PTPRD: variants seen among roughly 807,000 people sequenced by gnomAD.
PTPRD encodes the protein protein tyrosine phosphatase receptor type D, also known as receptor-type tyrosine-protein phosphatase delta.
In PTPRD, 34 loss-of-function variants were observed where a neutral mutation model predicts 214.5. The ratio of observed to expected loss-of-function variants is 0.16; its 90% CI spans 0.12 to 0.21. The LOEUF (loss-of-function observed/expected upper bound fraction) is 0.21, where lower values mean the gene tolerates loss of function less well. PTPRD is among the 10% of genes least tolerant of loss of function. The pLI is 1.00. For synonymous variants in PTPRD, 1,128 were observed against 845.7 expected, an observed-to-expected ratio of 1.33 and a Z score of -5.79; for missense variants, 2,545 against 2,398.7, an observed-to-expected ratio of 1.06 and a Z score of -1.27.
intron 11 of PTPRD, among the ~76,000 whole-genome samples, chr9:8,892,621 GTA>G (rs545404330): frequency 0.012 from 1,731 of 148,098 alleles, 44 homozygotes; most frequent in African/African-American, 0.04. Context: ...ATATATATGT[GTA>G]TATATATGTG....
At chr9:9,326,675 A>C (rs936330936) in intron 9 of PTPRD, among the ~76,000 whole-genome samples, 8 of 152,112 alleles carry the variant, frequency 5.3e-5, no homozygotes, top group Non-Finnish European at 1.0e-4. Context: ...AAGTAAGATA[A>C]AGACAAATGA....
chr9:8,724,704 T>A (rs530255142), intron 12 of PTPRD, among the ~76,000 whole-genome samples: 1 of 151,434 alleles, frequency 6.6e-6, no homozygotes, highest in African/African-American at 2.4e-5. Flanking sequence ...GAGGCCAAGG[T>A]GGGTGGAGAG....
At chr9:9,561,932 T>C (rs1235430238) in intron 8 of PTPRD, among the ~76,000 whole-genome samples, 3 of 152,194 alleles carry the variant, frequency 2.0e-5, no homozygotes, top group African/African-American at 4.8e-5. Flanking sequence ...TCTCTCATTT[T>C]ATGGCTTTAA....
chr9:8,555,952 G>A (rs1229672448), intron 14 of PTPRD, among the ~76,000 whole-genome samples: 2 of 152,188 alleles, frequency 1.3e-5, no homozygotes, highest in Non-Finnish European at 2.9e-5. Flanking sequence ...ATGCAGATCT[G>A]TGAAGACATC....
At chr9:10,095,571 G>A (rs1318473944) in intron 3 of PTPRD, among the ~76,000 whole-genome samples, 6 of 151,432 alleles carry the variant, frequency 4.0e-5, no homozygotes, top group Non-Finnish European at 8.9e-5. Context: ...ACCAGACAGC[G>A]TGAATAACAA....
chr9:8,892,972 G>T (rs1156315757), intron 11 of PTPRD, among the ~76,000 whole-genome samples: 3 of 152,066 alleles, frequency 2.0e-5, no homozygotes, highest in Non-Finnish European at 4.4e-5. Flanking sequence ...TGATAATCTT[G>T]ACGTCCATGT....
chr9:10,163,017 A>G (rs1592837641), intron 3 of PTPRD, among the ~76,000 whole-genome samples: 1 of 151,012 alleles, frequency 6.6e-6, no homozygotes, highest in East Asian at 1.9e-4. Flanking sequence ...CTAAATGTCT[A>G]TCTCTCTATA....
intron 2 of PTPRD, among the ~76,000 whole-genome samples, chr9:10,470,844 T>A (rs933176507): frequency 2.0e-5 from 3 of 151,744 alleles, no homozygotes; most frequent in African/African-American, 7.3e-5. Context: ...AGATATGAAA[T>A]AAAATTATAA....
chr9:9,350,177 A>C (rs2050561696), intron 9 of PTPRD, among the ~76,000 whole-genome samples: 1 of 152,072 alleles, frequency 6.6e-6, no homozygotes, highest in Non-Finnish European at 1.5e-5. Context: ...GTATCATAAA[A>C]AAATGTTCCT....
At chr9:9,462,706 C>G (rs2093769857) in intron 8 of PTPRD, among the ~76,000 whole-genome samples, 1 of 152,050 alleles carries the variant, frequency 6.6e-6, no homozygotes, top group Non-Finnish European at 1.5e-5. Flanking sequence ...CTGTACTTTT[C>G]CAGTTTGTGA....
intron 3 of PTPRD, among the ~76,000 whole-genome samples, chr9:10,109,321 G>A (rs997600660): frequency 1.3e-5 from 2 of 152,106 alleles, no homozygotes; most frequent in African/African-American, 2.4e-5. Context: ...GTAAAGAAAC[G>A]GTTGATGTTA....
chr9:10,056,733 T>C (rs1354953125), intron 3 of PTPRD, among the ~76,000 whole-genome samples: 3 of 152,058 alleles, frequency 2.0e-5, no homozygotes, highest in South Asian at 2.1e-4. Context: ...CCGGGAGTCA[T>C]TGAAAGGAAT....
intron 8 of PTPRD, among the ~76,000 whole-genome samples, chr9:9,572,579 A>G (rs12551801): frequency 0.057 from 8,185 of 144,082 alleles, 603 homozygotes; most frequent in African/African-American, 0.16. Flanking sequence ...ATATATATAT[A>G]TGTGTATATA....
chr9:8,555,136 G>T (rs1195209213), intron 14 of PTPRD, among the ~76,000 whole-genome samples: 1 of 152,118 alleles, frequency 6.6e-6, no homozygotes, highest in Admixed American at 6.5e-5. Flanking sequence ...ACTCAAAGGG[G>T]CCAGGTGTGG....
intron 12 of PTPRD, among the ~76,000 whole-genome samples, chr9:8,644,793 G>A (rs777982345): frequency 5.9e-5 from 9 of 152,138 alleles, no homozygotes; most frequent in African/African-American, 1.2e-4. Context: ...CAAACCCCAC[G>A]TTCACTCACA....
At chr9:9,316,931 T>C (rs902149808) in intron 9 of PTPRD, among the ~76,000 whole-genome samples, 2 of 152,116 alleles carry the variant, frequency 1.3e-5, no homozygotes, top group Non-Finnish European at 2.9e-5. Flanking sequence ...GTCTCTAAAG[T>C]TACAAAGTCA....
chr9:8,517,755 A>T, intron 21 of PTPRD, 93 bp downstream of exon 21: 1 of 1,102,230 alleles, frequency 9.1e-7, no homozygotes. Context: ...ATTAAAATTC[A>T]TACCATCTTT....
Position 9,197,668 on chromosome 9 carries a change from C to G in PTPRD, c.-202-14305G>C, listed in dbSNP as rs1461250854. Among the ~76,000 whole-genome samples the G allele has an allele frequency of 2.8e-4, 43 of 152,210 alleles. 1 individual carries two copies. On this transcript the variant is annotated intron_variant, in intron 9 of 45. Transcript: ENST00000381196. ...TCAGGTGATCTGCCCGCCACGGCCT[C>G]CCAAAGTGCTGGGATTACAGGCATG...
intron 8 of PTPRD, among the ~76,000 whole-genome samples, chr9:9,461,865 C>A (rs1005525281): frequency 1.4e-4 from 22 of 152,250 alleles, no homozygotes; most frequent in Non-Finnish European, 7.4e-5. Context: ...TCACGGATGA[C>A]TTCTGATCCT....
Sources: allele counts gnomAD v4.1 joint callset (sites outside exome capture counted in the v4.1 genomes callset), GRCh38; gene constraint gnomAD v4.1.1; transcripts MANE v1.5; gene names NCBI Gene and HGNC (gene_info 2026-07-23, HGNC 2026-07-21).